The following PDE1A variants were observed in gnomAD, a reference collection of about 807,000 sequenced individuals.
The protein encoded by PDE1A is dual specificity calcium/calmodulin-dependent 3',5'-cyclic nucleotide phosphodiesterase 1A.
A neutral mutation model predicts 61.7 loss-of-function variants in PDE1A; 35 were observed. The observed-to-expected ratio is 0.57, with a 90% CI of 0.43 to 0.75. The LOEUF (loss-of-function observed/expected upper bound fraction) is 0.75, where lower values mean the gene tolerates loss of function less well. Among genes scored for constraint, PDE1A ranks in the 30% least tolerant of loss-of-function variants. PDE1A has a pLI of 0.00. For missense variants in PDE1A, 597 were observed against 630.6 expected, an observed-to-expected ratio of 0.95 and a Z score of 0.57; for synonymous variants, 232 against 213.2, an observed-to-expected ratio of 1.09 and a Z score of -0.77.
At chr2:182,621,108 A>T in the PDE1A span, among the ~76,000 whole-genome samples, 5 of 152,176 alleles carry the variant, frequency 3.3e-5, no homozygotes, top group Non-Finnish European at 7.3e-5. Flanking sequence ...TAAAGCAGCC[A>T]TCTCCTCTCT....
At chr2:182,258,377 A>AAG (rs2125765624) in intron 2 of PDE1A, among the ~76,000 whole-genome samples, 1 of 152,290 alleles carries the variant, frequency 6.6e-6, no homozygotes, top group South Asian at 2.1e-4. Context: ...CATCAGTCTG[A>AAG]AGCCAGAGAG....
chr2:182,715,998 G>A, the PDE1A span: 1 of 152,452 alleles, frequency 6.6e-6, no homozygotes, highest in East Asian at 1.9e-4. Flanking sequence ...AGGAAGAGGC[G>A]GGCTTCGCCA....
the PDE1A span, among the ~76,000 whole-genome samples, chr2:182,557,271 A>T: frequency 2.0e-5 from 3 of 152,178 alleles, no homozygotes; most frequent in South Asian, 4.1e-4. Flanking sequence ...GAATACATTA[A>T]ATTTTATGAA....
At chr2:182,655,993 G>A in the PDE1A span, among the ~76,000 whole-genome samples, 2 of 152,230 alleles carry the variant, frequency 1.3e-5, no homozygotes, top group African/African-American at 4.8e-5. Flanking sequence ...TGTCCTGATT[G>A]ATGGTTGGCT....
the PDE1A span, among the ~76,000 whole-genome samples, chr2:182,534,532 G>T: frequency 2.0e-5 from 3 of 151,494 alleles, no homozygotes; most frequent in Admixed American, 2.0e-4. Context: ...AAGCCAAAAG[G>T]TCTTTAAATT....
the PDE1A span, among the ~76,000 whole-genome samples, chr2:182,539,683 C>T: frequency 6.6e-6 from 1 of 152,200 alleles, no homozygotes; most frequent in East Asian, 1.9e-4. Context: ...CACTACTGTA[C>T]ATGTTATAGA....
At chr2:182,356,095 A>C (rs1033381652) in intron 1 of PDE1A, among the ~76,000 whole-genome samples, 4 of 152,198 alleles carry the variant, frequency 2.6e-5, no homozygotes, top group African/African-American at 9.6e-5. Flanking sequence ...AATAAAAAAC[A>C]ATTAAACTAT....
chr2:182,435,183 C>T (rs1198145246), intron 2 of PDE1A, among the ~76,000 whole-genome samples: 1 of 151,998 alleles, frequency 6.6e-6, no homozygotes, highest in Admixed American at 6.6e-5. Flanking sequence ...TAATTTAAAA[C>T]AGATTCTCAT....
intron 1 of PDE1A, among the ~76,000 whole-genome samples, chr2:182,397,251 A>C (rs545051061): frequency 6.6e-6 from 1 of 152,274 alleles, no homozygotes; most frequent in Admixed American, 6.5e-5. Flanking sequence ...GGCAAGATGA[A>C]CAGAAATAAC....
chr2:182,332,626 G>T (rs948738213), intron 1 of PDE1A, among the ~76,000 whole-genome samples: 2 of 152,090 alleles, frequency 1.3e-5, no homozygotes, highest in Non-Finnish European at 2.9e-5. Flanking sequence ...GCTGGAGTTT[G>T]CTGGGGAGCC....
chr2:182,635,293 CAAGAT>C, the PDE1A span, among the ~76,000 whole-genome samples: 1 of 151,984 alleles, frequency 6.6e-6, no homozygotes, highest in Non-Finnish European at 1.5e-5. Context: ...AGACTCCTTC[CAAGAT>C]AATTCCCATC....
chr2:182,375,824 A>C (rs976695641), intron 1 of PDE1A, among the ~76,000 whole-genome samples: 2 of 152,206 alleles, frequency 1.3e-5, no homozygotes, highest in South Asian at 2.1e-4. Context: ...TCTGAAATCT[A>C]GGTGGAGGTT....
intron 13 of PDE1A, among the ~76,000 whole-genome samples, chr2:182,182,260 TTCTTC>T (rs1361761935): frequency 3.9e-5 from 6 of 152,220 alleles, no homozygotes; most frequent in East Asian, 1.9e-4. Flanking sequence ...TCATTTTTGA[TTCTTC>T]TCTTCACTTT....
chr2:182,579,142 A>T, the PDE1A span, among the ~76,000 whole-genome samples: 1 of 152,238 alleles, frequency 6.6e-6, no homozygotes, highest in Admixed American at 6.5e-5. Flanking sequence ...TAACAGGAAA[A>T]CAGTGAGCTT....
the PDE1A span, among the ~76,000 whole-genome samples, chr2:182,665,165 G>T: frequency 4.6e-5 from 7 of 151,942 alleles, no homozygotes; most frequent in Non-Finnish European, 8.8e-5. Context: ...CAGTAAAAAA[G>T]ACTTCAGAAG....
rs374283772 is a variant in PDE1A, at chr2:182,176,292, C to T, written c.1517-8002G>A. Reference sequence around the variant, plus strand: ...ACCTTGGGCAGTATGGCCATTTTCACGATATTGATTTTTCCTACCCATGAG... The same window carrying T: ...ACCTTGGGCAGTATGGCCATTTTCATGATATTGATTTTTCCTACCCATGAG... On this transcript the variant is annotated intron_variant, in intron 13 of 13. Transcript: ENST00000351439. Among the ~76,000 whole-genome samples, 87 of 149,030 alleles carry T rather than the reference C, an allele frequency of 5.8e-4. 1 individual carries two copies. The South Asian group carries it at 8.6e-3, about 15-fold the overall frequency.
intron 1 of PDE1A, among the ~76,000 whole-genome samples, chr2:182,374,968 A>G (rs1700312796): frequency 6.6e-6 from 1 of 152,192 alleles, no homozygotes; most frequent in Admixed American, 6.5e-5. Flanking sequence ...AGGATGCAAA[A>G]GTGGAAACCC....
intron 1 of PDE1A, among the ~76,000 whole-genome samples, chr2:182,420,643 T>C (rs1703218946): frequency 6.6e-6 from 1 of 152,172 alleles, no homozygotes; most frequent in African/African-American, 2.4e-5. Flanking sequence ...ATGTAAAAAC[T>C]CTTCAAAAAT....
intron 1 of PDE1A, among the ~76,000 whole-genome samples, chr2:182,380,213 C>A (rs545187419): frequency 6.6e-6 from 1 of 150,728 alleles, no homozygotes. Flanking sequence ...TGGGTTCACA[C>A]CATTCTCCTG....
Sources: gnomAD v4.1 joint callset for allele counts (sites outside exome capture counted in the v4.1 genomes callset) on GRCh38, gnomAD v4.1.1 for gene constraint, MANE v1.5 for transcripts, NCBI Gene and HGNC (gene_info 2026-07-23, HGNC 2026-07-21) for gene names.